The following CACHD1 variants were observed in gnomAD, a reference collection of about 807,000 sequenced individuals.
The protein encoded by CACHD1 is VWFA and cache domain-containing protein 1.
In CACHD1, 71 loss-of-function variants were observed where a neutral mutation model predicts 138.7. That is an observed-to-expected ratio of 0.51 (90% CI 0.42 to 0.62). The LOEUF is 0.62. CACHD1 is among the 20% of genes least tolerant of loss of function. CACHD1 has a pLI of 0.00. For synonymous variants in CACHD1, 578 were observed against 591.5 expected, an observed-to-expected ratio of 0.98 and a Z score of 0.33; for missense variants, 1,389 against 1,625.3, an observed-to-expected ratio of 0.85 and a Z score of 2.50.
At chr1:64,611,192 G>A (rs1647520255) in intron 4 of CACHD1, among the ~76,000 whole-genome samples, 1 of 152,200 alleles carries the variant, frequency 6.6e-6, no homozygotes, top group Admixed American at 6.5e-5. Context: ...CTCTGGGCCT[G>A]TGATGGGAGG....
chr1:64,560,740 C>T (rs1303867868), intron 2 of CACHD1, among the ~76,000 whole-genome samples: 3 of 151,882 alleles, frequency 2.0e-5, no homozygotes, highest in Non-Finnish European at 4.4e-5. Flanking sequence ...TGTGTATGGG[C>T]TGATTTTTAT....
chr1:64,627,960 T>C (rs1022188452), intron 4 of CACHD1, among the ~76,000 whole-genome samples: 1 of 152,168 alleles, frequency 6.6e-6, no homozygotes, highest in Non-Finnish European at 1.5e-5. Flanking sequence ...ATATTTCAGA[T>C]GGTGATAGAT....
intron 1 of CACHD1, among the ~76,000 whole-genome samples, chr1:64,481,824 C>A (rs1449332262): frequency 1.3e-5 from 2 of 152,136 alleles, no homozygotes; most frequent in Non-Finnish European, 2.9e-5. Flanking sequence ...AATTAATGAT[C>A]TATAAATATG....
chr1:64,524,744 T>G (rs1357214887), intron 1 of CACHD1, among the ~76,000 whole-genome samples: 1 of 152,192 alleles, frequency 6.6e-6, no homozygotes. Context: ...CTTGAAATGT[T>G]TTTAAGTTAC....
intron 4 of CACHD1, among the ~76,000 whole-genome samples, chr1:64,622,689 A>G (rs1416315534): frequency 6.6e-6 from 1 of 152,222 alleles, no homozygotes; most frequent in East Asian, 1.9e-4. Flanking sequence ...TAAATCAATC[A>G]AATCATGCTG....
At chr1:64,553,223 T>C (rs984302470) in intron 2 of CACHD1, among the ~76,000 whole-genome samples, 11 of 152,246 alleles carry the variant, frequency 7.2e-5, no homozygotes, top group Non-Finnish European at 1.5e-4. Flanking sequence ...AAAAATTTGC[T>C]ATCACTTCAT....
intron 16 of CACHD1, among the ~76,000 whole-genome samples, chr1:64,668,342 G>T (rs866489113): frequency 2.1e-4 from 28 of 131,088 alleles, no homozygotes; most frequent in African/African-American, 8.2e-4. Flanking sequence ...AAAAAAAAAA[G>T]AAAAAGAAAA....
chr1:64,665,457 CA>C (rs559258520), intron 15 of CACHD1, among the ~76,000 whole-genome samples: 104 of 151,408 alleles, frequency 6.9e-4, no homozygotes, highest in African/African-American at 2.3e-3. Flanking sequence ...GAGACCCTGT[CA>C]AAAAACAAAA....
In CACHD1 at chr1:64,691,333, C is replaced by G; in HGVS notation, c.3597C>G (p.Thr1199=). Residue 1199 remains threonine, a synonymous_variant, in exon 27 of 27, where the codon ACC becomes ACG. Transcript: ENST00000651257. ...SGTESDHGYS[T]MSPQEDSENP... is the part of the protein sequence containing the mutation. ...TTGTTCTTTTTCTAGGTTACAGCAC[C>G]ATGAGCCCACAGGAGGACAGTGAAA... The G allele has an allele frequency of 6.2e-7, 1 of 1,613,970 alleles. No individual in the cohort carries two copies.
intron 1 of CACHD1, among the ~76,000 whole-genome samples, chr1:64,522,388 A>C (rs1570328256): frequency 6.6e-6 from 1 of 151,832 alleles, no homozygotes; most frequent in South Asian, 2.1e-4. Flanking sequence ...GCTCACTGCA[A>C]CCTCTGCCTC....
At chr1:64,593,408 A>G (rs1000002556) in intron 3 of CACHD1, among the ~76,000 whole-genome samples, 1 of 152,190 alleles carries the variant, frequency 6.6e-6, no homozygotes, top group African/African-American at 2.4e-5. Flanking sequence ...CCTTATATAC[A>G]TCTTATTTCT....
chr1:64,595,381 A>G (rs1215348021), intron 3 of CACHD1, among the ~76,000 whole-genome samples: 5 of 152,168 alleles, frequency 3.3e-5, no homozygotes, highest in Admixed American at 3.3e-4. Context: ...AAAGAAACAT[A>G]AGAAAAGACC....
At chr1:64,656,099 A>T (rs1300423119) in intron 12 of CACHD1, among the ~76,000 whole-genome samples, 1 of 152,248 alleles carries the variant, frequency 6.6e-6, no homozygotes, top group Non-Finnish European at 1.5e-5. Flanking sequence ...GAGTAGCCAG[A>T]ATGCCTTTAG....
chr1:64,542,998 C>T (rs978560283), intron 1 of CACHD1, among the ~76,000 whole-genome samples: 7 of 151,924 alleles, frequency 4.6e-5, no homozygotes, highest in African/African-American at 1.5e-4. Context: ...AACACACACA[C>T]ACACACACAC....
chr1:64,509,400 A>G (rs545072508), intron 1 of CACHD1, among the ~76,000 whole-genome samples: 1 of 152,216 alleles, frequency 6.6e-6, no homozygotes, highest in Non-Finnish European at 1.5e-5. Context: ...GGAATTGATG[A>G]AAGAGCACCA....
intron 4 of CACHD1, among the ~76,000 whole-genome samples, chr1:64,603,123 T>G (rs1270310952): frequency 2.9e-5 from 4 of 139,088 alleles, no homozygotes; most frequent in Non-Finnish European, 6.2e-5. Context: ...TTTTTTTTTT[T>G]TGAAACAGTC....
intron 1 of CACHD1, among the ~76,000 whole-genome samples, chr1:64,539,678 TA>T (rs1376858093): frequency 6.6e-6 from 1 of 152,244 alleles, no homozygotes; most frequent in African/African-American, 2.4e-5. Context: ...ATTTTCCTGT[TA>T]TACCCTCTCT....
chr1:64,583,569 T>C (rs961881073), intron 3 of CACHD1, among the ~76,000 whole-genome samples: 2 of 152,254 alleles, frequency 1.3e-5, no homozygotes, highest in Non-Finnish European at 2.9e-5. Flanking sequence ...TGCATATTTG[T>C]ATACCTTCAT....
chr1:64,582,246 C>T lies in CACHD1; in HGVS notation c.352C>T (p.Leu118=). Residue 118 remains leucine (L), a synonymous_variant, in exon 3 of 27, where the codon CTA becomes TTA. Coordinates refer to ENST00000651257, the MANE Select transcript of CACHD1 (RefSeq NM_020925.4). ...QVVEASYTAH[L]TSPLTAIQDC... ...TGTAGAAGCATCCTATACGGCTCAC[C>T]TAACCTCTCCCCTAACTGCAATTCA... is the stretch of plus-strand genomic sequence containing the variant. 3.1e-6 allele frequency: 5 copies of T among 1,613,982 alleles called. No individual in the cohort carries two copies. The highest frequency in any genetic ancestry group is 4.2e-6 in the Non-Finnish European group (5 of 1,179,866).
Sources: allele counts gnomAD v4.1 joint callset (sites outside exome capture counted in the v4.1 genomes callset), GRCh38; gene constraint gnomAD v4.1.1; transcripts MANE v1.5; gene names NCBI Gene and HGNC (gene_info 2026-07-23, HGNC 2026-07-21).